The following SBSN variants were observed in gnomAD, a reference collection of about 807,000 sequenced individuals.
SBSN encodes the protein HLAR698.
Under a neutral mutation model 42.8 loss-of-function variants are expected in SBSN, and 33 were observed. The observed-to-expected ratio is 0.77, with a 90% CI of 0.58 to 1.03. SBSN has a LOEUF of 1.03. Ranked by LOEUF, SBSN falls within the 50% of genes least tolerant of loss-of-function variation. The pLI is 0.00. For missense variants in SBSN, 646 were observed against 757.3 expected, an observed-to-expected ratio of 0.85 and a Z score of 1.72; for synonymous variants, 276 against 307.0, an observed-to-expected ratio of 0.90 and a Z score of 1.06.
intron 1 of SBSN, among the ~76,000 whole-genome samples, chr19:35,525,513 G>A (rs559026220): frequency 3.0e-5 from 4 of 132,334 alleles, no homozygotes; most frequent in South Asian, 2.6e-4. Flanking sequence ...GGACTTCGAC[G>A]TCTGAGCCAG....
rs2071403532 is a variant in SBSN at position 35,528,052 on chromosome 19, C to T, written c.230G>A (p.Ser77Asn). The T allele has an allele frequency of 6.2e-7, 1 of 1,613,910 alleles. No individual in the cohort carries two copies. Among genetic ancestry groups the T allele is most frequent in the Non-Finnish European group, 8.5e-7 (1 of 1,180,020 alleles). The change falls in exon 1 of 4, where the codon AGC becomes AAC. Residue 77 changes from serine (S) to asparagine (N), a missense_variant. By Grantham distance (46) the Ser-to-Asn change is conservative. Transcript: ENST00000452271. ...KVFNGLSNMG[S>N]HTGKELDKGV... The stretch of plus-strand genomic sequence containing the variant: ...TTTGTCCAACTCCTTGCCGGTGTGG[C>T]TCCCCATGTTGCTAAGTCCGTTGAA...
chr19:35,526,286 G>A (rs2071368992), intron 1 of SBSN, among the ~76,000 whole-genome samples: 1 of 152,070 alleles, frequency 6.6e-6, no homozygotes, highest in Admixed American at 6.5e-5. Context: ...CAGTCCCTTT[G>A]CACTATACTA....
intron 3 of SBSN, among the ~76,000 whole-genome samples, chr19:35,524,228 A>C (rs942580615): frequency 6.6e-6 from 1 of 152,202 alleles, no homozygotes; most frequent in Non-Finnish European, 1.5e-5. Flanking sequence ...TTGAGCCCCA[A>C]CTGGGAACCA....
intron 3 of SBSN, among the ~76,000 whole-genome samples, chr19:35,524,233 G>A (rs1040754868): frequency 1.3e-5 from 2 of 152,176 alleles, no homozygotes; most frequent in African/African-American, 4.8e-5. Flanking sequence ...CCCCAACTGG[G>A]AACCAGGATT....
chr19:35,525,751 C>T (rs536096973), intron 1 of SBSN, among the ~76,000 whole-genome samples: 48 of 152,208 alleles, frequency 3.2e-4, no homozygotes, highest in Admixed American at 1.2e-3. Context: ...GGTGCAATCT[C>T]AGCTCACTGC....
At chr19:35,526,126 C>T (rs1366187958) in intron 1 of SBSN, among the ~76,000 whole-genome samples, 1 of 152,240 alleles carries the variant, frequency 6.6e-6, no homozygotes, top group Non-Finnish European at 1.5e-5. Flanking sequence ...CCTAACCTCT[C>T]TGAGCCTTTG....
chr19:35,525,027 C>A (rs752176892), intron 1 of SBSN, 103 bp from the exon 2 acceptor site: 3 of 1,216,232 alleles, frequency 2.5e-6, no homozygotes, highest in South Asian at 1.3e-5. Flanking sequence ...ACTGGGGCTG[C>A]GGTGGGAGGC....
At chr19:35,523,743 G>A (rs970473223) in intron 3 of SBSN, among the ~76,000 whole-genome samples, 2 of 152,212 alleles carry the variant, frequency 1.3e-5, no homozygotes, top group African/African-American at 2.4e-5. Flanking sequence ...GGCCTCTGCA[G>A]GAACCAACAA....
rs552224332 is a variant in SBSN at position 35,527,630 on chromosome 19, A to G, written c.652T>C (p.Trp218Arg). Residue 218 changes from tryptophan (W) to arginine (R), a missense_variant, in exon 1 of 4, where the codon TGG (tryptophan) becomes CGG (arginine). Coordinates refer to ENST00000452271, the MANE Select transcript of SBSN (RefSeq NM_001166034.2). Reference sequence around the variant, plus strand: ...TGGCCAAACTTCTCTGTCTCCTTCCAGCCCTCACTGAGACCATGGTGGGCC... The same window carrying G: ...TGGCCAAACTTCTCTGTCTCCTTCCGGCCCTCACTGAGACCATGGTGGGCC... ...QGAHHGLSEG[W>R]KETEKFGQGI... 11 of 1,504,472 alleles carry G rather than the reference A, an allele frequency of 7.3e-6. No individual in the cohort carries two copies. Among genetic ancestry groups the G allele is most frequent in the Middle Eastern group, 1.7e-4 (1 of 5,824 alleles). 93.2% of individuals were successfully genotyped at this position (1,504,472 alleles called of 1,614,324 possible).
intron 1 of SBSN, among the ~76,000 whole-genome samples, chr19:35,525,295 C>T (rs746787618): frequency 1.5e-4 from 23 of 152,092 alleles, no homozygotes; most frequent in Non-Finnish European, 2.4e-4. Flanking sequence ...TCCCTAACTC[C>T]ACTGATCCTT....
In SBSN at chr19:35,527,039, CCTGA is replaced by C; in HGVS notation, c.1239_1242del (p.Ser413ArgfsTer26). 1.3e-6 allele frequency: 2 copies of C among 1,540,576 alleles called. No homozygotes were observed. Among genetic ancestry groups the C allele is most frequent in the South Asian group, 1.2e-5 (1 of 84,086 alleles). On this transcript the variant is annotated frameshift_variant, in exon 1 of 4. Transcript: ENST00000452271. LOFTEE classifies it high-confidence loss of function. ...CCAAACTGCCCCGCCTCCCTTCCAG[CCTGA>C]CTAACGCCATGATGGAGGCCTTGGA... is the stretch of plus-strand genomic sequence containing the variant.
rs754473622 is a variant in SBSN at position 35,528,035 on chromosome 19, A to G, written c.247T>C (p.Leu83=). Residue 83 remains leucine, a synonymous_variant, in exon 1 of 4, where the codon TTG becomes CTG. Transcript: ENST00000452271. ...TTGAGCCCCTGGACGCCTTTGTCCAACTCCTTGCCGGTGTGGCTCCCCATG... is the reference window on the plus strand; with the variant it reads ...TTGAGCCCCTGGACGCCTTTGTCCAGCTCCTTGCCGGTGTGGCTCCCCATG... ...SNMGSHTGKE[L]DKGVQGLNHG... 2 of 1,613,378 alleles carry G rather than the reference A, an allele frequency of 1.2e-6. No homozygotes were observed. Among genetic ancestry groups the G allele is most frequent in the South Asian group, 1.1e-5 (1 of 91,048 alleles).
chr19:35,524,965 G>A (rs753211714), intron 1 of SBSN, 41 bp from the exon 2 acceptor site: 155 of 1,603,150 alleles, frequency 9.7e-5, no homozygotes, highest in Middle Eastern at 5.3e-4. Flanking sequence ...CCCCACAAAC[G>A]CGGAGGGTCT....
chr19:35,523,566 A>G (rs756087601), intron 3 of SBSN, 33 bp from the exon 4 acceptor site: 2 of 1,613,116 alleles, frequency 1.2e-6, no homozygotes, highest in East Asian at 4.5e-5. Context: ...GGGTGAATGT[A>G]GGGTCCACAG....
intron 3 of SBSN, 72 bp from the exon 4 acceptor site, chr19:35,523,605 G>C: frequency 6.7e-7 from 1 of 1,492,598 alleles, no homozygotes; most frequent in Non-Finnish European, 9.3e-7. Context: ...CCTCAGCCCC[G>C]CCCCTCGGGA....
rs1203072487 is a variant in SBSN at position 35,524,711 on chromosome 19, C to T, written c.1749G>A (p.Arg583=). ...TPFINLPALW[R]SVANIMP The stretch of plus-strand genomic sequence containing the variant: ...AAAAGAGACACCATGGGGCACTCAC[C>T]CTCCACAGGGCGGGAAGGTTGATGA... The change falls in exon 3 of 4, where the codon AGG becomes AGA. Residue 583 remains arginine (R), a splice_region_variant and synonymous_variant. Coordinates refer to ENST00000452271, the MANE Select transcript of SBSN (RefSeq NM_001166034.2). 6.8e-6 allele frequency: 11 copies of T among 1,613,916 alleles called. No individual in the cohort carries two copies. The highest frequency in any genetic ancestry group is 9.3e-6 in the Non-Finnish European group (11 of 1,179,988).
At position 35,527,848 on chromosome 19, in the gene SBSN, G is replaced by A. The variant is rs182436431; in HGVS notation, c.434C>T (p.Ala145Val). 3.6e-5 allele frequency: 58 copies of A among 1,613,788 alleles called. No homozygotes were observed. In the South Asian group the frequency reaches 5.2e-4, roughly 14 times the overall value. Reference protein sequence around the residue: ...HHGVHHGANQAGSEAGKFGQG... With the variant: ...HHGVHHGANQVGSEAGKFGQG... The stretch of plus-strand genomic sequence containing the variant: ...GCCAAACTTCCCTGCCTCACTTCCC[G>A]CCTGGTTGGCCCCGTGATGGACCCC... Residue 145 changes from alanine to valine, a missense_variant, in exon 1 of 4, where the codon GCG becomes GTG. This residue lies in a region of SBSN where 190 missense variants were observed against 197.1 expected (regional missense o/e 0.96). Coordinates refer to ENST00000452271, the MANE Select transcript of SBSN (RefSeq NM_001166034.2).
chr19:35,523,666 G>C (rs1391485226), intron 3 of SBSN, 133 bp from the exon 4 acceptor site: 2 of 873,544 alleles, frequency 2.3e-6, no homozygotes, highest in Non-Finnish European at 3.8e-6. Flanking sequence ...TTCTGGGGAA[G>C]TTTCAGGAAG....
At position 35,523,480 on chromosome 19, in the gene SBSN, A is replaced by G; in HGVS notation, c.*30T>C. 2 of 1,613,214 alleles carry G rather than the reference A, an allele frequency of 1.2e-6. No individual in the cohort carries two copies. Among genetic ancestry groups the G allele is most frequent in the Non-Finnish European group, 1.7e-6 (2 of 1,179,386 alleles). On this transcript the variant is annotated 3_prime_UTR_variant, in exon 4 of 4. Coordinates refer to ENST00000452271, the MANE Select transcript of SBSN (RefSeq NM_001166034.2). ...TGTCAGCTGATGTGACAACGGCGAC[A>G]TTATTCTCCCAGCAAGGCCGGATGC...
Sources: gnomAD v4.1 joint callset for allele counts (sites outside exome capture counted in the v4.1 genomes callset) on GRCh38, gnomAD v4.1.1 for gene constraint, gnomAD v4.1.1 regional missense constraint, MANE v1.5 for transcripts, NCBI Gene and HGNC (gene_info 2026-07-23, HGNC 2026-07-21) for gene names.